The following NTM variants were observed in gnomAD, a reference collection of about 807,000 sequenced individuals.
The protein encoded by NTM is IgLON family member 2.
Under a neutral mutation model 42.1 loss-of-function variants are expected in NTM, and 13 were observed. That is an observed-to-expected ratio of 0.31 (90% CI 0.20 to 0.49). The LOEUF (loss-of-function observed/expected upper bound fraction) is 0.49, where lower values mean the gene tolerates loss of function less well. NTM is among the 20% of genes least tolerant of loss of function. The pLI is 0.99. For synonymous variants in NTM, 187 were observed against 179.2 expected (o/e 1.04, Z -0.35); for missense variants, 373 against 452.8 (o/e 0.82, Z 1.60).
chr11:131,974,905 G>A (rs56373228), intron 2 of NTM, among the ~76,000 whole-genome samples: 21,178 of 152,078 alleles, frequency 0.14, 1,730 homozygotes, highest in South Asian at 0.2. Flanking sequence ...TTTTGAAAAG[G>A]CTAAAACATA....
chr11:131,377,795 C>T (rs1942162863), intron 1 of NTM, among the ~76,000 whole-genome samples: 1 of 152,178 alleles, frequency 6.6e-6, no homozygotes, highest in African/African-American at 2.4e-5. Context: ...TGTACTCTAG[C>T]TGCACCCTGA....
Position 132,191,172 on chromosome 11 carries a change from G to A in NTM, c.401-20850G>A, listed in dbSNP as rs76273630. Among the ~76,000 whole-genome samples the A allele has an allele frequency of 1.3e-3, 205 of 152,244 alleles. 1 individual carries two copies. The East Asian group carries it at 0.028, about 21-fold the overall frequency. ...CCCCTCTGGAATGCTTATGCTTGCG[G>A]CCACCACCCAACGAAGTGCTGTTGC... On this transcript the variant is annotated intron_variant, in intron 3 of 8. Transcript: ENST00000683400.
At chr11:131,874,675 C>A (rs1416624143) in intron 1 of NTM, among the ~76,000 whole-genome samples, 1 of 152,134 alleles carries the variant, frequency 6.6e-6, no homozygotes, top group Non-Finnish European at 1.5e-5. Context: ...TCTATTCCTT[C>A]TAAAACTGCC....
chr11:131,751,658 G>A (rs2135705164), intron 1 of NTM, among the ~76,000 whole-genome samples: 2 of 152,082 alleles, frequency 1.3e-5, no homozygotes, highest in African/African-American at 4.8e-5. Flanking sequence ...TACTCGAGAG[G>A]CTGAGGCAGG....
chr11:131,684,319 C>A (rs767943689), intron 1 of NTM, among the ~76,000 whole-genome samples: 1 of 152,126 alleles, frequency 6.6e-6, no homozygotes, highest in African/African-American at 2.4e-5. Flanking sequence ...TGGCAAGTGA[C>A]GTCTCTGAGA....
intron 2 of NTM, among the ~76,000 whole-genome samples, chr11:131,987,379 C>CTATTT (rs1214206268): frequency 0.012 from 159 of 13,628 alleles, no homozygotes; most frequent in African/African-American, 0.029. Flanking sequence ...CCTATTCCTC[C>CTATTT]TATTCTATTC....
chr11:131,452,318 T>C (rs538140448), intron 1 of NTM, among the ~76,000 whole-genome samples: 1 of 152,208 alleles, frequency 6.6e-6, no homozygotes, highest in Non-Finnish European at 1.5e-5. Context: ...AGACACACTC[T>C]TTGCTCACCC....
At chr11:131,808,608 T>C (rs955369035) in intron 1 of NTM, among the ~76,000 whole-genome samples, 1 of 152,196 alleles carries the variant, frequency 6.6e-6, no homozygotes, top group African/African-American at 2.4e-5. Flanking sequence ...GACCAGGTGT[T>C]GGTCCGGGGA....
rs2055158694 is a variant in NTM, at chr11:131,554,649, T to C, written c.82+183761T>C. Among the ~76,000 whole-genome samples, 4 of 152,220 alleles carry C rather than the reference T, an allele frequency of 2.6e-5. No individual in the cohort carries two copies. In the South Asian group the frequency reaches 8.3e-4, roughly 32 times the overall value. On this transcript the variant is annotated intron_variant, in intron 1 of 8. Coordinates refer to ENST00000683400, the MANE Select transcript of NTM (RefSeq NM_001352005.2). The stretch of plus-strand genomic sequence containing the variant: ...GGTTCTTCATTGCTGTTGACTGCCA[T>C]CTCAGATAATTCACAGGTGGGACGC...
At position 131,866,788 on chromosome 11, in the gene NTM, TA is replaced by T. The variant is rs528692700; in HGVS notation, c.83-44768del. Among the ~76,000 whole-genome samples the T allele has an allele frequency of 5.7e-3, 860 of 152,140 alleles. 10 individuals carry two copies. The highest frequency in any genetic ancestry group is 0.02 in the African/African-American group (818 of 41,538). On this transcript the variant is annotated intron_variant, in intron 1 of 8. Coordinates refer to ENST00000683400, the MANE Select transcript of NTM (RefSeq NM_001352005.2). ...ATGTGACTGGGAATGGCATTTTTCT[TA>T]AAAAAAAGTGGCGATTTCACTACAA... is the stretch of plus-strand genomic sequence containing the variant.
intron 1 of NTM, among the ~76,000 whole-genome samples, chr11:131,890,063 T>G (rs1174707285): frequency 6.6e-6 from 1 of 152,098 alleles, no homozygotes; most frequent in Non-Finnish European, 1.5e-5. Context: ...GACCCAATTC[T>G]CTGCTCCAAA....
intron 1 of NTM, among the ~76,000 whole-genome samples, chr11:131,405,745 C>T (rs1265187318): frequency 6.6e-6 from 1 of 152,178 alleles, no homozygotes; most frequent in African/African-American, 2.4e-5. Flanking sequence ...ATGAAATCCA[C>T]ACCCCTCCTC....
At chr11:131,563,872 G>T (rs2056543471) in intron 1 of NTM, among the ~76,000 whole-genome samples, 1 of 151,938 alleles carries the variant, frequency 6.6e-6, no homozygotes, top group Admixed American at 6.6e-5. Context: ...GGTTCCCAAT[G>T]GCCCCTAGAG....
chr11:131,447,658 C>T (rs142120098), intron 1 of NTM, among the ~76,000 whole-genome samples: 1 of 152,318 alleles, frequency 6.6e-6, no homozygotes, highest in Admixed American at 6.5e-5. Context: ...CATGCCTTGA[C>T]ACCACAATTA....
intron 3 of NTM, among the ~76,000 whole-genome samples, chr11:132,203,235 A>G (rs1251903202): frequency 1.3e-5 from 2 of 152,184 alleles, no homozygotes; most frequent in Non-Finnish European, 2.9e-5. Flanking sequence ...ACAGCCCCCT[A>G]CTGCACTAAA....
intron 1 of NTM, among the ~76,000 whole-genome samples, chr11:131,701,644 A>G (rs2076084433): frequency 6.6e-6 from 1 of 152,196 alleles, no homozygotes; most frequent in Non-Finnish European, 1.5e-5. Flanking sequence ...GGAAAAGTAT[A>G]TTCCTCAACC....
At chr11:131,574,361 ATTCT>A (rs2057734883) in intron 1 of NTM, among the ~76,000 whole-genome samples, 1 of 151,920 alleles carries the variant, frequency 6.6e-6, no homozygotes, top group African/African-American at 2.4e-5. Context: ...ACTCCCTTTA[ATTCT>A]TTCAACATCT....
At chr11:131,830,080 A>T (rs2042626464) in intron 1 of NTM, among the ~76,000 whole-genome samples, 1 of 151,974 alleles carries the variant, frequency 6.6e-6, no homozygotes, top group African/African-American at 2.4e-5. Context: ...CTCCATATTG[A>T]CCTTTGTTGA....
At chr11:131,595,228 A>G (rs1385617970) in intron 1 of NTM, among the ~76,000 whole-genome samples, 1 of 152,146 alleles carries the variant, frequency 6.6e-6, no homozygotes, top group Non-Finnish European at 1.5e-5. Flanking sequence ...GGCGTGGTCC[A>G]CCAGTGAATC....
Sources: allele counts gnomAD v4.1 joint callset (sites outside exome capture counted in the v4.1 genomes callset), GRCh38; gene constraint gnomAD v4.1.1; transcripts MANE v1.5; gene names NCBI Gene and HGNC (gene_info 2026-07-23, HGNC 2026-07-21).